Variants in GALNT13 observed in about 807,000 individuals in gnomAD.
GALNT13 encodes polypeptide N-acetylgalactosaminyltransferase 13.
A neutral mutation model predicts 64.2 loss-of-function variants in GALNT13; 28 were observed. That is an observed-to-expected ratio of 0.44 (90% CI 0.32 to 0.60). The LOEUF (loss-of-function observed/expected upper bound fraction) is 0.60. Ranked by LOEUF, GALNT13 falls within the 20% of genes least tolerant of loss-of-function variation. The probability of loss-of-function intolerance (pLI) is 0.05; values close to 1 mark genes in which losing one functional copy is unlikely to be tolerated. For synonymous variants in GALNT13, 214 were observed against 224.6 expected, an observed-to-expected ratio of 0.95 and a Z score of 0.42; for missense variants, 577 against 669.8, an observed-to-expected ratio of 0.86 and a Z score of 1.53.
the GALNT13 span, among the ~76,000 whole-genome samples, chr2:153,753,704 T>C: frequency 0.39 from 58,673 of 152,076 alleles, 13,086 homozygotes; most frequent in African/African-American, 0.59. Context: ...TTGCTGTAAC[T>C]ACTTCCTGGC....
At chr2:153,718,886 C>A in the GALNT13 span, among the ~76,000 whole-genome samples, 1 of 152,084 alleles carries the variant, frequency 6.6e-6, no homozygotes, top group South Asian at 2.1e-4. Context: ...AAGTTTGTAT[C>A]CAAACCGTAT....
intron 3 of GALNT13, among the ~76,000 whole-genome samples, chr2:153,959,837 A>G (rs1421629098): frequency 1.3e-5 from 2 of 151,928 alleles, no homozygotes; most frequent in East Asian, 1.9e-4. Flanking sequence ...CCCCCCACCA[A>G]TGGACTTTAC....
intron 9 of GALNT13, among the ~76,000 whole-genome samples, chr2:154,334,846 A>G (rs535398364): frequency 3.9e-4 from 59 of 152,060 alleles, no homozygotes; most frequent in South Asian, 2.1e-3. Flanking sequence ...ATTCACACCC[A>G]GTTGCCCTTT....
chr2:153,664,871 G>A, the GALNT13 span, among the ~76,000 whole-genome samples: 17 of 152,222 alleles, frequency 1.1e-4, no homozygotes, highest in African/African-American at 3.9e-4. Flanking sequence ...ACATCTGACT[G>A]CAACCAAATG....
At chr2:154,089,520 A>G (rs1701697632) in intron 3 of GALNT13, among the ~76,000 whole-genome samples, 1 of 152,044 alleles carries the variant, frequency 6.6e-6, no homozygotes, top group African/African-American at 2.4e-5. Flanking sequence ...GTTGCCTGGA[A>G]GAGATTCTGA....
At chr2:153,361,422 G>T in the GALNT13 span, among the ~76,000 whole-genome samples, 3 of 151,582 alleles carry the variant, frequency 2.0e-5, no homozygotes, top group Non-Finnish European at 4.4e-5. Context: ...AACAAATTCT[G>T]TTGAGCTAAA....
At chr2:153,756,029 A>G in the GALNT13 span, among the ~76,000 whole-genome samples, 2 of 152,136 alleles carry the variant, frequency 1.3e-5, no homozygotes, top group Non-Finnish European at 2.9e-5. Flanking sequence ...TTCCTATAAA[A>G]GTCTTTCATC....
chr2:153,917,197 T>C (rs549972574), intron 2 of GALNT13, among the ~76,000 whole-genome samples: 1 of 152,124 alleles, frequency 6.6e-6, no homozygotes, highest in Non-Finnish European at 1.5e-5. Flanking sequence ...TGTCTGTGTG[T>C]ATGTATTTAT....
the GALNT13 span, among the ~76,000 whole-genome samples, chr2:153,635,763 G>A: frequency 2.6e-5 from 4 of 152,032 alleles, no homozygotes; most frequent in Non-Finnish European, 4.4e-5. Context: ...TTGCATATCT[G>A]TGGTTTCCCT....
At chr2:153,483,410 C>CTTTTTTTTTTTTTTTTTTT in the GALNT13 span, among the ~76,000 whole-genome samples, 1 of 71,776 alleles carries the variant, frequency 1.4e-5, no homozygotes, top group African/African-American at 5.4e-5. Context: ...GAATAAAATT[C>CTTTTTTTTTTTTTTTTTTT]TTTTTTTTTT....
intron 3 of GALNT13, among the ~76,000 whole-genome samples, chr2:154,025,836 A>G (rs921988879): frequency 3.3e-5 from 5 of 152,136 alleles, no homozygotes; most frequent in East Asian, 1.9e-4. Flanking sequence ...GGGGTAAGCA[A>G]CTACTTCCTA....
chr2:153,849,697 G>C, the GALNT13 span, among the ~76,000 whole-genome samples: 84 of 152,120 alleles, frequency 5.5e-4, no homozygotes, highest in African/African-American at 1.9e-3. Flanking sequence ...AGAGGAGACA[G>C]AAGAAGAAGT....
chr2:154,039,798 A>G (rs1029267739), intron 3 of GALNT13, among the ~76,000 whole-genome samples: 4 of 139,856 alleles, frequency 2.9e-5, no homozygotes, highest in Non-Finnish European at 6.6e-5. Context: ...GAAATGAGAA[A>G]TATTTGAGGT....
chr2:153,864,920 C>G, the GALNT13 span, among the ~76,000 whole-genome samples: 4 of 145,838 alleles, frequency 2.7e-5, no homozygotes, highest in African/African-American at 7.7e-5. Context: ...TACTACAAGG[C>G]TACAGTAACC....
chr2:153,927,718 G>A (rs1004460616), intron 2 of GALNT13, among the ~76,000 whole-genome samples: 4 of 151,848 alleles, frequency 2.6e-5, no homozygotes, highest in African/African-American at 4.8e-5. Flanking sequence ...CTAATTGCCT[G>A]TCTTTTAAGG....
At chr2:153,628,320 A>T in the GALNT13 span, among the ~76,000 whole-genome samples, 3 of 151,838 alleles carry the variant, frequency 2.0e-5, no homozygotes, top group African/African-American at 4.8e-5. Flanking sequence ...CTCTTTTCCT[A>T]ATTGAATACC....
chr2:153,636,534 G>A, the GALNT13 span, among the ~76,000 whole-genome samples: 5 of 152,118 alleles, frequency 3.3e-5, no homozygotes, highest in African/African-American at 9.6e-5. Context: ...AAATTCAAAC[G>A]TTCTCCCACC....
At chr2:153,133,953 G>T in the GALNT13 span, among the ~76,000 whole-genome samples, 4 of 152,128 alleles carry the variant, frequency 2.6e-5, no homozygotes, top group African/African-American at 7.2e-5. Context: ...ATGTCTGGGT[G>T]TTTCAGTCAT....
chr2:153,908,467 G>T (rs1458947563), intron 2 of GALNT13, among the ~76,000 whole-genome samples: 1 of 151,838 alleles, frequency 6.6e-6, no homozygotes, highest in African/African-American at 2.4e-5. Context: ...CCTTTAACAG[G>T]TTCTTCATCC....
Sources: allele counts gnomAD v4.1 joint callset (sites outside exome capture counted in the v4.1 genomes callset), GRCh38; gene constraint gnomAD v4.1.1; transcripts MANE v1.5; gene names NCBI Gene and HGNC (gene_info 2026-07-23, HGNC 2026-07-21).